The following C4orf50 variants were observed in gnomAD, a reference collection of about 807,000 sequenced individuals.
C4orf50 encodes uncharacterized protein C4orf50.
A neutral mutation model predicts 77.2 loss-of-function variants in C4orf50; 80 were observed. That is an observed-to-expected ratio of 1.04 (90% CI 0.87 to 1.25). The LOEUF is 1.25. Among genes scored for constraint, C4orf50 ranks in the 50% most tolerant of loss-of-function variants. C4orf50 has a pLI of 0.00. For missense variants in C4orf50, 1,257 were observed against 1,152.9 expected (o/e 1.09, Z -1.31); for synonymous variants, 532 against 465.3 (o/e 1.14, Z -1.84).
Position 6,007,287 on chromosome 4 carries a change from C to G in C4orf50, c.963+709G>C, listed in dbSNP as rs1051417464. Among the ~76,000 whole-genome samples, 3 of 152,098 alleles carry G rather than the reference C, an allele frequency of 2.0e-5. No homozygotes were observed. In the South Asian group the frequency reaches 6.2e-4, roughly 32 times the overall value. ...CCAAATTTATGTGGAAATCCTAATC[C>G]TCAATGTGAGGGTGTCAGGTGGTGG... On this transcript the variant is annotated intron_variant, in intron 25 of 33. Coordinates refer to ENST00000531445, the Ensembl canonical transcript of C4orf50. This position sits in a 1 kb window ranked among gnomAD's most constrained non-coding sequence, Gnocchi z 4.1.
chr4:5,910,619 G>A (rs565277064), intron 7 of C4orf50, among the ~76,000 whole-genome samples: 10 of 152,202 alleles, frequency 6.6e-5, no homozygotes, highest in Non-Finnish European at 8.8e-5. Context: ...CACCCCACTC[G>A]ATCATGGCTG....
intron 25 of C4orf50, among the ~76,000 whole-genome samples, chr4:5,999,210 G>GC (rs1253476432): frequency 6.6e-6 from 1 of 152,178 alleles, no homozygotes; most frequent in East Asian, 1.9e-4. Context: ...GGCTCCCAGA[G>GC]CACATCAGAC....
At chr4:6,013,820 G>A (rs1318949855) in intron 23 of C4orf50, among the ~76,000 whole-genome samples, 5 of 152,272 alleles carry the variant, frequency 3.3e-5, no homozygotes, top group South Asian at 2.1e-4. Context: ...TGGCTCCACC[G>A]ACAGCTCGAC....
At chr4:5,922,766 A>G (rs1407057345) in intron 7 of C4orf50, among the ~76,000 whole-genome samples, 2 of 152,074 alleles carry the variant, frequency 1.3e-5, no homozygotes, top group African/African-American at 4.8e-5. Flanking sequence ...TGGATGCCAG[A>G]CTCTAGGGTG....
chr4:5,901,625 A>T lies in C4orf50; in HGVS notation c.*2475-3437T>A, dbSNP rs1716347851. The T allele has an allele frequency of 6.6e-6, 1 of 152,274 alleles. No individual in the cohort carries two copies. The allele number at this position is 152,274 out of a possible 1,614,324, so 9.4% of individuals were successfully genotyped here. A position where few individuals can be genotyped will look rare whatever the true frequency, so the allele number is the denominator to read the frequency against. ...CCCATTTCATTCAAAGCCTAAAGGTAAACTAAGAGGCAAGGCTCTCCGGGG... is the reference window on the plus strand; with the variant it reads ...CCCATTTCATTCAAAGCCTAAAGGTTAACTAAGAGGCAAGGCTCTCCGGGG... On this transcript the variant is annotated intron_variant, in intron 7 of 7. Transcript: ENST00000324058. This position sits in a 1 kb window ranked among gnomAD's most constrained non-coding sequence, Gnocchi z 4.4.
At chr4:5,904,828 A>C (rs1026639205) in intron 7 of C4orf50, 2 of 152,204 alleles carry the variant, frequency 1.3e-5, no homozygotes, top group African/African-American at 2.4e-5. Flanking sequence ...TAACTACTAC[A>C]GTGATTTTTT....
Position 6,018,231 on chromosome 4 carries a change from C to T in C4orf50, c.201G>A (p.Ala67=), listed in dbSNP as rs562509232. ...CGGAGGACTCCAGCTGCCTCCTGAG[C>T]GCACCCATATCCATGTCTGGGCGGC... The change falls in exon 23 of 34, where the codon GCG becomes GCA. Residue 67 remains alanine (A), a synonymous_variant. Transcript: ENST00000531445. This position sits in a 1 kb window ranked among gnomAD's most constrained non-coding sequence, Gnocchi z 5.1. The T allele has an allele frequency of 2.5e-5, 10 of 399,036 alleles. No homozygotes were observed. In the South Asian group the frequency reaches 7.6e-4, roughly 30 times the overall value. The allele number at this position is 399,036 out of a possible 1,614,324, so 24.7% of individuals were successfully genotyped here. A position where few individuals can be genotyped will look rare whatever the true frequency, so the allele number is the denominator to read the frequency against.
At chr4:5,920,475 C>CTTTTT (rs527939516) in intron 7 of C4orf50, among the ~76,000 whole-genome samples, 4 of 128,968 alleles carry the variant, frequency 3.1e-5, no homozygotes, top group African/African-American at 5.8e-5. Context: ...ATAAACATTG[C>CTTTTT]TTTTTTTTTT....
At chr4:5,966,168 T>C (rs1719552992) in intron 32 of C4orf50, among the ~76,000 whole-genome samples, 2 of 152,190 alleles carry the variant, frequency 1.3e-5, no homozygotes, top group Non-Finnish European at 2.9e-5. Context: ...GATAGGGGCT[T>C]CATTTTCTTT....
chr4:6,016,000 G>T lies in C4orf50; in HGVS notation c.287+2145C>A, dbSNP rs977314789. 2.0e-5 allele frequency among the ~76,000 whole-genome samples: 3 copies of T among 152,200 alleles called. No individual in the cohort carries two copies. Among genetic ancestry groups the T allele is most frequent in the African/African-American group, 7.2e-5 (3 of 41,452 alleles). ...GCGTGGGTGTGAGTGTCCTGTTCAG[G>T]CCTTGCACCCTGAGCTGCCGGGAGA... On this transcript the variant is annotated intron_variant, in intron 23 of 33. Transcript: ENST00000531445. This position sits in a 1 kb window ranked among gnomAD's most constrained non-coding sequence, Gnocchi z 4.4.
chr4:5,994,275 G>A, intron 26 of C4orf50, 72 bp downstream of exon 4: 1 of 398,676 alleles, frequency 2.5e-6, no homozygotes, highest in Non-Finnish European at 4.4e-6. Flanking sequence ...GACATGATAA[G>A]GAGGAAGTGA....
At position 6,018,019 on chromosome 4, in the gene C4orf50, G is replaced by A. The variant is rs538937667; in HGVS notation, c.287+126C>T. ...CAGAAGGCAAGTGACTGCGTGGGCA[G>A]GTTACGTGTCTTTGGTGAGCCAGTT... On this transcript the variant is annotated intron_variant, in intron 23 of 33. Coordinates refer to ENST00000531445, the Ensembl canonical transcript of C4orf50. The surrounding 1 kb of genome is among the most constrained non-coding windows in gnomAD (Gnocchi z 5.1). The A allele has an allele frequency of 1.5e-5, 6 of 397,388 alleles. No homozygotes were observed. Among genetic ancestry groups the A allele is most frequent in the African/African-American group, 1.2e-4 (6 of 48,736 alleles). 24.6% of individuals were successfully genotyped at this position (397,388 alleles called of 1,614,324 possible).
chr4:5,976,060 C>G, intron 29 of C4orf50, 105 bp from the exon 8 acceptor site: 1 of 875,356 alleles, frequency 1.1e-6, no homozygotes, highest in South Asian at 1.4e-5. Flanking sequence ...TGCCTGCCCT[C>G]TTTACCCTCA....
At chr4:6,002,029 T>C (rs1427924599) in intron 25 of C4orf50, among the ~76,000 whole-genome samples, 2 of 152,212 alleles carry the variant, frequency 1.3e-5, no homozygotes, top group African/African-American at 4.8e-5. Flanking sequence ...TGGAGTGGGT[T>C]GAATTGTGCC....
intron 25 of C4orf50, among the ~76,000 whole-genome samples, chr4:6,006,635 A>G (rs1375152675): frequency 6.6e-6 from 1 of 152,244 alleles, no homozygotes; most frequent in Non-Finnish European, 1.5e-5. Flanking sequence ...AATACATAAA[A>G]TGTAAGCTTT....
intron 24 of C4orf50, among the ~76,000 whole-genome samples, chr4:6,010,557 T>C (rs936725586): frequency 2.6e-5 from 4 of 152,232 alleles, no homozygotes; most frequent in Admixed American, 6.5e-5. Flanking sequence ...GCACGTGCGA[T>C]GTGCTTGCAT....
In C4orf50 at chr4:6,009,160, G is replaced by C. The variant is rs527573660; in HGVS notation, c.427-628C>G. On this transcript the variant is annotated intron_variant, in intron 24 of 33. Coordinates refer to ENST00000531445, the Ensembl canonical transcript of C4orf50. The surrounding 1 kb of genome is among the most constrained non-coding windows in gnomAD (Gnocchi z 5.6). Reference sequence around the variant, plus strand: ...CCAGGATGCCAAGCGCCTTGTATCTGACTCAGGCCTTTTCTTCTTTCATCT... The same window carrying C: ...CCAGGATGCCAAGCGCCTTGTATCTCACTCAGGCCTTTTCTTCTTTCATCT... Among the ~76,000 whole-genome samples the C allele has an allele frequency of 4.4e-4, 67 of 152,300 alleles. No homozygotes were observed. Among genetic ancestry groups the C allele is most frequent in the African/African-American group, 1.5e-3 (64 of 41,560 alleles).
At chr4:5,951,651 G>A (rs1289671077) in intron 7 of C4orf50, among the ~76,000 whole-genome samples, 1 of 152,220 alleles carries the variant, frequency 6.6e-6, no homozygotes, top group Non-Finnish European at 1.5e-5. Flanking sequence ...CAGACGGCAT[G>A]AAATAAATAA....
At chr4:5,951,841 C>G (rs937334616) in intron 7 of C4orf50, among the ~76,000 whole-genome samples, 4 of 152,244 alleles carry the variant, frequency 2.6e-5, no homozygotes, top group African/African-American at 9.6e-5. Flanking sequence ...AACTCGGGCC[C>G]TCTCCTCCTT....
Sources: gnomAD v4.1 joint callset for allele counts (sites outside exome capture counted in the v4.1 genomes callset) on GRCh38, gnomAD v4.1.1 for gene constraint, Gnocchi (gnomAD v3.1) non-coding constraint, MANE v1.5 for transcripts, NCBI Gene and HGNC (gene_info 2026-07-23, HGNC 2026-07-21) for gene names.